PKHD1: variants seen among roughly 807,000 people sequenced by gnomAD.
The protein encoded by PKHD1 is fibrocystin.
A neutral mutation model predicts 412.0 loss-of-function variants in PKHD1; 291 were observed. That is an observed-to-expected ratio of 0.71 (90% CI 0.64 to 0.78). The LOEUF is 0.78. PKHD1 is among the 30% of genes least tolerant of loss of function. PKHD1 has a pLI of 0.00. For synonymous variants in PKHD1, 1,777 were observed against 1,821.5 expected, an observed-to-expected ratio of 0.98 and a Z score of 0.62; for missense variants, 4,825 against 4,950.7, an observed-to-expected ratio of 0.97 and a Z score of 0.76.
chr6:51,686,650 T>A lies in PKHD1; in HGVS notation c.10157-26681A>T, dbSNP rs568792445. ...TATGTATATTACTTAGTCACTCCTC[T>A]AAGTAAGCTAAGAAAGTAAGCCCTA... On this transcript the variant is annotated intron_variant, in intron 60 of 66. Coordinates refer to ENST00000371117, the MANE Select transcript of PKHD1 (RefSeq NM_138694.4). 2.6e-5 allele frequency among the ~76,000 whole-genome samples: 4 copies of A among 152,356 alleles called. No individual in the cohort carries two copies. In the East Asian group the frequency reaches 7.7e-4, roughly 29 times the overall value.
chr6:51,993,391 C>T (rs997467601), intron 35 of PKHD1, among the ~76,000 whole-genome samples: 1 of 152,180 alleles, frequency 6.6e-6, no homozygotes, highest in Non-Finnish European at 1.5e-5. Context: ...GGACAGGTAC[C>T]GAACACTTGA....
intron 52 of PKHD1, among the ~76,000 whole-genome samples, chr6:51,807,485 A>ATATATGTGTGTGTGTGTGTG (rs765667001): frequency 2.8e-4 from 31 of 111,766 alleles, no homozygotes; most frequent in African/African-American, 1.2e-3. Context: ...ATATATGTAT[A>ATATATGTGTGTGTGTGTGTG]TGTGTGTGTG....
intron 63 of PKHD1, among the ~76,000 whole-genome samples, chr6:51,641,576 A>G (rs1273294407): frequency 1.3e-5 from 2 of 152,226 alleles, no homozygotes; most frequent in African/African-American, 2.4e-5. Context: ...TCATGCTACT[A>G]TAAAGACACA....
chr6:51,789,885 G>A (rs1793467472), intron 53 of PKHD1, among the ~76,000 whole-genome samples: 1 of 152,140 alleles, frequency 6.6e-6, no homozygotes, highest in Non-Finnish European at 1.5e-5. Flanking sequence ...GGAAGAGCCT[G>A]AACCTATAGA....
intron 35 of PKHD1, among the ~76,000 whole-genome samples, chr6:51,995,448 T>G (rs1583786900): frequency 6.6e-6 from 1 of 152,244 alleles, no homozygotes; most frequent in East Asian, 1.9e-4. Flanking sequence ...TCTTTCAAAC[T>G]TTACACTCCA....
intron 35 of PKHD1, among the ~76,000 whole-genome samples, chr6:51,991,033 C>A (rs1177250579): frequency 6.6e-6 from 1 of 152,192 alleles, no homozygotes; most frequent in Non-Finnish European, 1.5e-5. Flanking sequence ...TGAGTTGCCA[C>A]TTACTGTCTT....
At chr6:51,855,736 G>T (rs948262345) in intron 49 of PKHD1, among the ~76,000 whole-genome samples, 157 bp downstream of exon 49, 13 of 152,052 alleles carry the variant, frequency 8.5e-5, no homozygotes, top group Non-Finnish European at 1.5e-5. Context: ...TATTCATCTG[G>T]CCAAAATACT....
intron 35 of PKHD1, among the ~76,000 whole-genome samples, chr6:51,978,950 TA>T (rs1381121040): frequency 7.3e-6 from 1 of 137,602 alleles, no homozygotes; most frequent in Non-Finnish European, 1.6e-5. Flanking sequence ...CACTCAGCCA[TA>T]ACATGTGTAT....
intron 19 of PKHD1, 93 bp from the exon 20 acceptor site, chr6:52,054,258 G>T (rs1807351581): frequency 2.4e-6 from 3 of 1,236,182 alleles, no homozygotes; most frequent in Non-Finnish European, 3.5e-6. Flanking sequence ...CTAGAACCCT[G>T]CCATAGGCTC....
intron 36 of PKHD1, among the ~76,000 whole-genome samples, chr6:51,950,220 A>AAAAAAAAAAAAAATATATATAT: frequency 9.2e-5 from 9 of 98,298 alleles, no homozygotes; most frequent in African/African-American, 3.4e-4. Flanking sequence ...GAAAAAAAAA[A>AAAAAAAAAAAAAATATATATAT]ATATATATAT....
intron 64 of PKHD1, among the ~76,000 whole-genome samples, chr6:51,633,058 A>G (rs2150306181): frequency 6.6e-6 from 1 of 152,276 alleles, no homozygotes; most frequent in African/African-American, 2.4e-5. Context: ...ATGAGAATAA[A>G]AATATTCTCA....
chr6:51,906,339 C>T lies in PKHD1; in HGVS notation c.6684G>A (p.Glu2228=), dbSNP rs1583305559. The change falls in exon 41 of 67, where the codon GAG becomes GAA. Residue 2228 remains glutamate (E), a splice_region_variant and synonymous_variant. Transcript: ENST00000371117. ...TCACTGTGCAGCCCTGTATGAAAGA[C>T]TCTGAATAGGAAAGAGTAAAGTAAA... ...SSLTLVGAMR[E]SFIQGCTVRN... 1.2e-6 allele frequency: 2 copies of T among 1,610,974 alleles called. No individual in the cohort carries two copies. Among genetic ancestry groups the T allele is most frequent in the Non-Finnish European group, 1.7e-6 (2 of 1,177,476 alleles).
At chr6:52,004,021 G>A (rs1281978770) in intron 35 of PKHD1, among the ~76,000 whole-genome samples, 2 of 151,954 alleles carry the variant, frequency 1.3e-5, no homozygotes, top group Non-Finnish European at 2.9e-5. Context: ...TTCTTAGATC[G>A]GTGAATTTGT....
chr6:51,729,408 TA>T (rs1418560566), intron 60 of PKHD1, among the ~76,000 whole-genome samples: 1 of 152,224 alleles, frequency 6.6e-6, no homozygotes, highest in African/African-American at 2.4e-5. Context: ...ATTCTTACTA[TA>T]AAAACTAAAT....
intron 10 of PKHD1, 95 bp from the exon 11 acceptor site, chr6:52,069,622 C>T: frequency 1.2e-6 from 1 of 863,512 alleles, no homozygotes; most frequent in Non-Finnish European, 2.0e-6. Context: ...GGGAACTAAC[C>T]TCTATTGATC....
At chr6:51,844,217 G>A (rs545966740) in intron 50 of PKHD1, among the ~76,000 whole-genome samples, 1 of 152,270 alleles carries the variant, frequency 6.6e-6, no homozygotes, top group African/African-American at 2.4e-5. Flanking sequence ...ACCTTGCTGT[G>A]TAAACAAAGC....
intron 55 of PKHD1, among the ~76,000 whole-genome samples, chr6:51,760,148 C>A (rs1181127384): frequency 1.3e-5 from 2 of 152,018 alleles, no homozygotes; most frequent in Admixed American, 6.6e-5. Context: ...GAGGAATGAG[C>A]AAAATAAATT....
intron 35 of PKHD1, among the ~76,000 whole-genome samples, chr6:51,986,642 G>A (rs1203398354): frequency 6.6e-6 from 1 of 152,254 alleles, no homozygotes; most frequent in Admixed American, 6.5e-5. Context: ...CAAGTAAAAG[G>A]ACAGAAAAGC....
At chr6:51,666,880 C>T (rs553460331) in intron 60 of PKHD1, among the ~76,000 whole-genome samples, 77 of 152,184 alleles carry the variant, frequency 5.1e-4, no homozygotes, top group African/African-American at 1.9e-3. Flanking sequence ...GAACTCATCA[C>T]ATTTTATGGC....
Sources: allele counts gnomAD v4.1 joint callset (sites outside exome capture counted in the v4.1 genomes callset), GRCh38; gene constraint gnomAD v4.1.1; transcripts MANE v1.5; gene names NCBI Gene and HGNC (gene_info 2026-07-23, HGNC 2026-07-21).